The following PTPRD variants were observed in gnomAD, a reference collection of about 807,000 sequenced individuals.
PTPRD encodes the protein receptor-type tyrosine-protein phosphatase delta.
In PTPRD, 34 loss-of-function variants were observed where a neutral mutation model predicts 214.5. The observed-to-expected ratio is 0.16, with a 90% CI of 0.12 to 0.21. PTPRD has a LOEUF of 0.21. Among genes scored for constraint, PTPRD ranks in the 10% least tolerant of loss-of-function variants. The pLI is 1.00. For missense variants in PTPRD, 2,545 were observed against 2,398.7 expected (o/e 1.06, Z -1.27); for synonymous variants, 1,128 against 845.7 (o/e 1.33, Z -5.79).
At chr9:9,342,870 C>G (rs183790319) in intron 9 of PTPRD, among the ~76,000 whole-genome samples, 1 of 152,140 alleles carries the variant, frequency 6.6e-6, no homozygotes, top group East Asian at 1.9e-4. Context: ...AGCCCCCTAC[C>G]CCGCCAACAG....
At chr9:8,725,708 C>T (rs2098549570) in intron 12 of PTPRD, among the ~76,000 whole-genome samples, 1 of 152,148 alleles carries the variant, frequency 6.6e-6, no homozygotes, top group Admixed American at 6.5e-5. Context: ...CTTGTGATAA[C>T]TGTATCAAGT....
chr9:9,460,874 T>G (rs1325458024), intron 8 of PTPRD, among the ~76,000 whole-genome samples: 1 of 152,084 alleles, frequency 6.6e-6, no homozygotes, highest in African/African-American at 2.4e-5. Flanking sequence ...CCTGCACTCT[T>G]ACGTTTATTG....
chr9:9,522,593 G>C (rs1294745334), intron 8 of PTPRD, among the ~76,000 whole-genome samples: 3 of 152,188 alleles, frequency 2.0e-5, no homozygotes, highest in South Asian at 4.2e-4. Context: ...CCCAGTACCT[G>C]AGAAACAAGA....
intron 37 of PTPRD, among the ~76,000 whole-genome samples, chr9:8,389,022 C>G (rs1316221971): frequency 7.0e-6 from 1 of 142,662 alleles, no homozygotes; most frequent in East Asian, 2.1e-4. Flanking sequence ...CAACCACACA[C>G]ATCATAACAT....
At chr9:9,680,904 C>A (rs1181766672) in intron 7 of PTPRD, among the ~76,000 whole-genome samples, 1 of 151,746 alleles carries the variant, frequency 6.6e-6, no homozygotes, top group Non-Finnish European at 1.5e-5. Flanking sequence ...TATTGTGGTA[C>A]CCTCTCTTGT....
rs2099981069 is a variant in PTPRD, at chr9:9,263,569, T to C, written c.-202-80206A>G. Among the ~76,000 whole-genome samples, 3 of 151,844 alleles carry C rather than the reference T, an allele frequency of 2.0e-5. No homozygotes were observed. The East Asian group carries it at 5.9e-4, about 30-fold the overall frequency. ...ATTATATTCTTGGTACTTAGTATGG[T>C]GCCTGAATCACAGTAAATATCCAAT... On this transcript the variant is annotated intron_variant, in intron 9 of 45. Transcript: ENST00000381196.
At chr9:9,150,573 C>A (rs542773788) in intron 10 of PTPRD, among the ~76,000 whole-genome samples, 1 of 150,656 alleles carries the variant, frequency 6.6e-6, no homozygotes, top group African/African-American at 2.4e-5. Context: ...CAGCAAACTC[C>A]ACCTTCTGGG....
chr9:9,151,873 C>T (rs764186544), intron 10 of PTPRD, among the ~76,000 whole-genome samples: 9 of 152,114 alleles, frequency 5.9e-5, no homozygotes, highest in Admixed American at 1.3e-4. Flanking sequence ...CCCACTGTGT[C>T]GTTAAGAACC....
intron 12 of PTPRD, among the ~76,000 whole-genome samples, chr9:8,665,075 C>CA (rs146539832): frequency 8.8e-5 from 13 of 148,124 alleles, no homozygotes; most frequent in East Asian, 2.0e-4. Flanking sequence ...AGTAAAGCAG[C>CA]AAAAAAAAAA....
At chr9:8,749,047 T>A (rs569506570) in intron 11 of PTPRD, among the ~76,000 whole-genome samples, 2 of 152,180 alleles carry the variant, frequency 1.3e-5, no homozygotes, top group East Asian at 3.9e-4. Context: ...ATGCTACTAA[T>A]GAACTAAATA....
intron 5 of PTPRD, among the ~76,000 whole-genome samples, chr9:9,924,437 T>C (rs753231506): frequency 1.8e-4 from 27 of 152,194 alleles, no homozygotes; most frequent in African/African-American, 6.5e-4. Flanking sequence ...ATTTGATTAC[T>C]AGATCATGAG....
chr9:9,055,395 T>C (rs1471182970), intron 10 of PTPRD, among the ~76,000 whole-genome samples: 2 of 152,200 alleles, frequency 1.3e-5, no homozygotes, highest in Non-Finnish European at 2.9e-5. Flanking sequence ...AAAAACTATG[T>C]TGAACATGGT....
At chr9:9,058,704 C>T (rs1486900853) in intron 10 of PTPRD, among the ~76,000 whole-genome samples, 1 of 151,766 alleles carries the variant, frequency 6.6e-6, no homozygotes, top group Non-Finnish European at 1.5e-5. Context: ...CCGCCTCGGC[C>T]TCCCAAAGTG....
intron 11 of PTPRD, among the ~76,000 whole-genome samples, chr9:8,760,080 G>A (rs1389168106): frequency 6.6e-6 from 1 of 152,154 alleles, no homozygotes; most frequent in Non-Finnish European, 1.5e-5. Flanking sequence ...ACAGGCGTGC[G>A]CCACAACGCC....
intron 3 of PTPRD, among the ~76,000 whole-genome samples, chr9:10,272,479 T>G (rs1175262327): frequency 6.6e-6 from 1 of 152,236 alleles, no homozygotes; most frequent in Non-Finnish European, 1.5e-5. Context: ...CATGGATTGC[T>G]TTGTTTTTTG....
chr9:10,264,860 G>T (rs1468586297), intron 3 of PTPRD, among the ~76,000 whole-genome samples: 1 of 152,104 alleles, frequency 6.6e-6, no homozygotes, highest in Admixed American at 6.6e-5. Flanking sequence ...GAGGGACCCA[G>T]GGGGAGATAA....
At chr9:10,556,118 T>C (rs1354400650) in intron 2 of PTPRD, among the ~76,000 whole-genome samples, 2 of 152,178 alleles carry the variant, frequency 1.3e-5, no homozygotes, top group East Asian at 1.9e-4. Context: ...TATCTGAGAC[T>C]GCAATCAGTA....
chr9:8,905,307 G>C (rs1218781804), intron 11 of PTPRD, among the ~76,000 whole-genome samples: 9 of 151,464 alleles, frequency 5.9e-5, no homozygotes, highest in Non-Finnish European at 1.3e-4. Context: ...CCTTTCCCTT[G>C]GCCTTCTTCC....
intron 7 of PTPRD, among the ~76,000 whole-genome samples, chr9:9,695,688 T>G (rs1446654414): frequency 1.3e-5 from 2 of 152,226 alleles, no homozygotes; most frequent in Non-Finnish European, 2.9e-5. Flanking sequence ...TTTGTTAATG[T>G]GATGCATCAT....
Sources: allele counts gnomAD v4.1 joint callset (sites outside exome capture counted in the v4.1 genomes callset), GRCh38; gene constraint gnomAD v4.1.1; transcripts MANE v1.5; gene names NCBI Gene and HGNC (gene_info 2026-07-23, HGNC 2026-07-21).